The following CA10 variants were observed in gnomAD, a reference collection of about 807,000 sequenced individuals.
CA10 encodes the protein carbonic anhydrase 10 (inactive).
Under a neutral mutation model 44.2 loss-of-function variants are expected in CA10, and 14 were observed. The ratio of observed to expected loss-of-function variants is 0.32; its 90% CI spans 0.21 to 0.50. The LOEUF (loss-of-function observed/expected upper bound fraction) is 0.50. Ranked by LOEUF, CA10 falls within the 20% of genes least tolerant of loss-of-function variation. CA10 has a pLI of 0.99. For missense variants in CA10, 350 were observed against 409.7 expected (o/e 0.85, Z 1.26); for synonymous variants, 159 against 141.6 (o/e 1.12, Z -0.87).
intron 4 of CA10, among the ~76,000 whole-genome samples, chr17:51,726,425 C>A (rs907367723): frequency 6.6e-6 from 1 of 152,026 alleles, no homozygotes; most frequent in Non-Finnish European, 1.5e-5. Flanking sequence ...AGTTGCTGAG[C>A]GAGTAGATTT....
Position 51,988,525 on chromosome 17 carries a change from AT to A in CA10, c.137-57394del, listed in dbSNP as rs1280382428. Among the ~76,000 whole-genome samples, 9 of 151,876 alleles carry A rather than the reference AT, an allele frequency of 5.9e-5. No individual in the cohort carries two copies. The South Asian group carries it at 1.9e-3, about 32-fold the overall frequency. ...TGTGGTGGTTTTTGTGGGTGATTTA[AT>A]TTTTTTTCCATTCTGTTTCTACCTT... On this transcript the variant is annotated intron_variant, in intron 2 of 8. Coordinates refer to ENST00000451037, the MANE Select transcript of CA10 (RefSeq NM_020178.5).
intron 2 of CA10, among the ~76,000 whole-genome samples, chr17:51,970,058 A>G (rs192727969): frequency 1.3e-3 from 192 of 152,116 alleles, no homozygotes; most frequent in Non-Finnish European, 2.1e-3. Context: ...GGAAAGATGG[A>G]ACGCACACCT....
intron 4 of CA10, among the ~76,000 whole-genome samples, chr17:51,743,679 T>G (rs1904552928): frequency 6.6e-6 from 1 of 152,224 alleles, no homozygotes; most frequent in Admixed American, 6.5e-5. Flanking sequence ...GGAAAATGCC[T>G]GGCATTAATT....
chr17:52,113,420 A>G (rs1988828006), intron 1 of CA10, among the ~76,000 whole-genome samples: 1 of 152,178 alleles, frequency 6.6e-6, no homozygotes, highest in South Asian at 2.1e-4. Flanking sequence ...ATGTATACTG[A>G]TACCCATATG....
chr17:51,767,529 T>C (rs1011790690), intron 3 of CA10, among the ~76,000 whole-genome samples: 5 of 152,144 alleles, frequency 3.3e-5, no homozygotes, highest in African/African-American at 1.2e-4. Flanking sequence ...AAACCAGTGA[T>C]CCCCCACCTT....
At chr17:52,043,533 C>A (rs1986828787) in intron 2 of CA10, among the ~76,000 whole-genome samples, 1 of 151,940 alleles carries the variant, frequency 6.6e-6, no homozygotes, top group Admixed American at 6.6e-5. Flanking sequence ...TTCTTCCTTT[C>A]CAATTTGAAT....
intron 2 of CA10, among the ~76,000 whole-genome samples, chr17:51,961,999 G>A (rs774922336): frequency 5.9e-5 from 9 of 152,222 alleles, no homozygotes; most frequent in Non-Finnish European, 1.3e-4. Flanking sequence ...AAGTCACCTC[G>A]ATCAGCAGAC....
intron 3 of CA10, among the ~76,000 whole-genome samples, chr17:51,820,850 C>T (rs1907753358): frequency 6.6e-6 from 1 of 151,992 alleles, no homozygotes; most frequent in Admixed American, 6.5e-5. Flanking sequence ...TTATTCTTAC[C>T]ACAAACTGGA....
intron 4 of CA10, among the ~76,000 whole-genome samples, chr17:51,744,583 AG>A: frequency 6.6e-6 from 1 of 152,174 alleles, no homozygotes; most frequent in Admixed American, 6.5e-5. Flanking sequence ...ACTGTACTTC[AG>A]CCTGGGTAAC....
At chr17:52,071,705 C>T (rs1987684423) in intron 2 of CA10, among the ~76,000 whole-genome samples, 1 of 152,158 alleles carries the variant, frequency 6.6e-6, no homozygotes, top group African/African-American at 2.4e-5. Context: ...TCTTGCCTCG[C>T]TTTACTAAAG....
chr17:51,691,363 C>T (rs1263956), intron 4 of CA10, among the ~76,000 whole-genome samples: 143,343 of 152,330 alleles, frequency 0.94, 67,544 homozygotes, highest in East Asian at 1. Flanking sequence ...TATTGGTCAT[C>T]GGTATGTCAT....
chr17:52,087,515 C>T (rs889376184), intron 1 of CA10, among the ~76,000 whole-genome samples: 1 of 152,186 alleles, frequency 6.6e-6, no homozygotes, highest in Non-Finnish European at 1.5e-5. Flanking sequence ...ATTAAAGGTT[C>T]AGTGGTAGAA....
rs77655050 is a variant in CA10, at chr17:52,069,965, A to T, written c.136+2354T>A. 6.9e-3 allele frequency among the ~76,000 whole-genome samples: 1,051 copies of T among 152,348 alleles called. 12 individuals are homozygous for T. Among genetic ancestry groups the T allele is most frequent in the African/African-American group, 0.024 (994 of 41,588 alleles). The stretch of plus-strand genomic sequence containing the variant: ...CAAATTGAAGAACACTCTTAACTTT[A>T]TAGTCAAGTAATAAGAGGTAAGGGG... On this transcript the variant is annotated intron_variant, in intron 2 of 8. Transcript: ENST00000451037.
chr17:51,773,983 C>G (rs1905710487), intron 3 of CA10, among the ~76,000 whole-genome samples: 1 of 152,166 alleles, frequency 6.6e-6, no homozygotes, highest in African/African-American at 2.4e-5. Flanking sequence ...CACCCCAGGT[C>G]CCAGCACATT....
upstream of CA10, chr17:52,158,752 T>A (rs1348888288): frequency 6.6e-6 from 1 of 152,310 alleles, no homozygotes; most frequent in Non-Finnish European, 1.5e-5. Context: ...TACGGATCCC[T>A]ACGCTTCCCA....
At chr17:52,156,170 G>A (rs572700946) in intron 1 of CA10, among the ~76,000 whole-genome samples, 2 of 152,304 alleles carry the variant, frequency 1.3e-5, no homozygotes, top group Admixed American at 6.5e-5. Flanking sequence ...TTTATAACTA[G>A]TCAAATATTC....
chr17:52,010,692 C>T (rs1430397818), intron 2 of CA10, among the ~76,000 whole-genome samples: 2 of 151,858 alleles, frequency 1.3e-5, no homozygotes, highest in African/African-American at 4.8e-5. Context: ...GTGATGGGTA[C>T]ACCAAAATCC....
chr17:51,837,514 C>T (rs538532094), intron 3 of CA10, among the ~76,000 whole-genome samples: 117 of 152,178 alleles, frequency 7.7e-4, no homozygotes, highest in East Asian at 1.4e-3. Flanking sequence ...CTTAGAGTTA[C>T]GAAATAATTA....
At chr17:51,775,436 T>C (rs1905781796) in intron 3 of CA10, among the ~76,000 whole-genome samples, 1 of 152,188 alleles carries the variant, frequency 6.6e-6, no homozygotes, top group African/African-American at 2.4e-5. Flanking sequence ...TTTCTCTTAA[T>C]TTAAGCCATG....
Sources: allele counts gnomAD v4.1 joint callset (sites outside exome capture counted in the v4.1 genomes callset), GRCh38; gene constraint gnomAD v4.1.1; transcripts MANE v1.5; gene names NCBI Gene and HGNC (gene_info 2026-07-23, HGNC 2026-07-21).